Variants in DOCK11 observed in about 807,000 individuals in gnomAD.
DOCK11 encodes dedicator of cytokinesis protein 11.
DOCK11 carries 70 observed loss-of-function variants against 169.1 expected under a neutral mutation model. That is an observed-to-expected ratio of 0.41 (90% confidence interval 0.34 to 0.51). DOCK11 has a LOEUF of 0.51. DOCK11 is among the 20% of genes least tolerant of loss of function. The pLI is 0.10. For missense variants in DOCK11, 1,166 were observed against 1,538.8 expected (o/e 0.76, Z 4.05); for synonymous variants, 529 against 541.3 (o/e 0.98, Z 0.32).
chrX:118,648,518 TAA>T (rs1491128381), intron 40 of DOCK11, among the ~76,000 whole-genome samples: 1 of 89,805 alleles, frequency 1.1e-5, no homozygotes, highest in Non-Finnish European at 2.2e-5. Flanking sequence ...TATTAATATG[TAA>T]TATATATATA....
At position 118,567,956 on chromosome X, in the gene DOCK11, G is replaced by A. The variant is rs139057649; in HGVS notation, c.952-123G>A. ...GCATTCCTGTTTTGTACTGACTACA[G>A]GATGAATGGTATATTTTTGAAGCTG... On this transcript the variant is annotated intron_variant, in intron 9 of 52. Coordinates refer to ENST00000276202, the MANE Select transcript of DOCK11 (RefSeq NM_144658.4). The A allele has an allele frequency of 6.9e-3, 2,305 of 333,680 alleles. 46 individuals are homozygous for A. Among genetic ancestry groups the A allele is most frequent in the South Asian group, 0.055 (592 of 10,778 alleles). The allele number at this position is 333,680 out of a possible 1,213,427, so 27.5% of individuals were successfully genotyped here. A position where few individuals can be genotyped will look rare whatever the true frequency, so the allele number is the denominator to read the frequency against.
chrX:118,672,594 G>A (rs558864504), intron 46 of DOCK11, among the ~76,000 whole-genome samples: 35 of 112,026 alleles, frequency 3.1e-4, no homozygotes, highest in Middle Eastern at 4.7e-3. Context: ...CACCGCGCCC[G>A]ACTAATATTT....
intron 24 of DOCK11, 85 bp from the exon 25 acceptor site, chrX:118,607,986 TG>T: frequency 2.6e-6 from 2 of 772,637 alleles, no homozygotes; most frequent in Non-Finnish European, 3.8e-6. Context: ...TTAGATGTTT[TG>T]GGGGCTAGAC....
At chrX:118,648,556 TTATA>T (rs756985022) in intron 40 of DOCK11, among the ~76,000 whole-genome samples, 1 of 94,786 alleles carries the variant, frequency 1.1e-5, no homozygotes, top group South Asian at 4.2e-4. Flanking sequence ...ATAACATAAA[TTATA>T]TATATTATAT....
chrX:118,643,676 G>A (rs2015586507), intron 40 of DOCK11, 82 bp downstream of exon 40: 4 of 1,043,510 alleles, frequency 3.8e-6, no homozygotes, highest in Non-Finnish European at 5.3e-6. Flanking sequence ...TCATTGTGGT[G>A]ACATATACAA....
intron 28 of DOCK11, among the ~76,000 whole-genome samples, chrX:118,611,014 G>A (rs1161466263): frequency 1.8e-5 from 2 of 111,538 alleles, no homozygotes; most frequent in Non-Finnish European, 3.8e-5. Flanking sequence ...ACTCCAGCCT[G>A]GGCAATAGAG....
chrX:118,672,481 G>A (rs1182127536), intron 46 of DOCK11, among the ~76,000 whole-genome samples: 3 of 112,419 alleles, frequency 2.7e-5, no homozygotes, highest in Admixed American at 9.4e-5. Context: ...GGCCCAGGCC[G>A]GACTGCAGTG....
At position 118,578,663 on chromosome X, in the gene DOCK11, TG is replaced by T. The variant is rs1484291419; in HGVS notation, c.1512+17del. 1 of 1,188,361 alleles carries T rather than the reference TG, an allele frequency of 8.4e-7. No individual in the cohort carries two copies. Among genetic ancestry groups the T allele is most frequent in the Admixed American group, 2.3e-5 (1 of 42,864 alleles). On this transcript the variant is annotated intron_variant, in intron 13 of 52. Coordinates refer to ENST00000276202, the MANE Select transcript of DOCK11 (RefSeq NM_144658.4). ...TCCAGTAAAGGTAATTTATAAAGGTTGTTGATCAACATTTCACCTTAACGTA... is the reference window on the plus strand; with the variant it reads ...TCCAGTAAAGGTAATTTATAAAGGTTTTGATCAACATTTCACCTTAACGTA...
At chrX:118,502,705 T>C (rs144610608) in intron 1 of DOCK11, among the ~76,000 whole-genome samples, 112 of 111,607 alleles carry the variant, frequency 1.0e-3, no homozygotes, top group African/African-American at 3.4e-3. Flanking sequence ...AGGTAACATA[T>C]GGAAAGTTTC....
At chrX:118,674,836 TTC>T (rs748290344) in intron 46 of DOCK11, among the ~76,000 whole-genome samples, 2 of 112,024 alleles carry the variant, frequency 1.8e-5, no homozygotes, top group Non-Finnish European at 3.8e-5. Context: ...ATTTTTTATT[TTC>T]TGTTTGTTTT....
intron 44 of DOCK11, among the ~76,000 whole-genome samples, chrX:118,661,069 C>T (rs762335581): frequency 2.8e-4 from 31 of 109,243 alleles, no homozygotes; most frequent in Middle Eastern, 4.7e-3. Flanking sequence ...ATTTGCCAGC[C>T]GTGGTGGCTT....
chrX:118,638,659 T>G (rs1370765740), intron 37 of DOCK11, among the ~76,000 whole-genome samples: 1 of 112,039 alleles, frequency 8.9e-6, no homozygotes. Context: ...AGTTAGTCAT[T>G]AAAGGAGCTC....
chrX:118,672,147 G>A (rs1293278141), intron 46 of DOCK11, among the ~76,000 whole-genome samples: 1 of 112,362 alleles, frequency 8.9e-6, no homozygotes, highest in Non-Finnish European at 1.9e-5. Context: ...ACCTAAAGGT[G>A]CTGGCAAATG....
chrX:118,631,121 C>G (rs1473982768), intron 35 of DOCK11, among the ~76,000 whole-genome samples: 1 of 110,629 alleles, frequency 9.0e-6, no homozygotes, highest in Non-Finnish European at 1.9e-5. Flanking sequence ...TTTCCAAATA[C>G]CACATTTACT....
intron 20 of DOCK11, among the ~76,000 whole-genome samples, chrX:118,594,131 T>C (rs2014086395): frequency 9.0e-6 from 1 of 111,364 alleles, no homozygotes. Context: ...TTTAACAAAC[T>C]TGAATAAGCT....
At chrX:118,638,558 C>G (rs1175593448) in intron 37 of DOCK11, among the ~76,000 whole-genome samples, 2 of 112,069 alleles carry the variant, frequency 1.8e-5, no homozygotes, top group Non-Finnish European at 3.8e-5. Flanking sequence ...CATGTAAGTC[C>G]TAGTGAAATA....
At chrX:118,655,535 C>G (rs754779635) in intron 44 of DOCK11, among the ~76,000 whole-genome samples, 2 of 111,556 alleles carry the variant, frequency 1.8e-5, no homozygotes, top group African/African-American at 6.5e-5. Context: ...TACCTGGGTA[C>G]TAAAAGGGAG....
rs564461759 is a variant in DOCK11 at position 118,578,869 on chromosome X, G to A, written c.1512+222G>A. ...TTGATTATCAAAATAAGAGCCAAAAGCTTTTAGGCAACATCTGCTAATTGA... is the reference window on the plus strand; with the variant it reads ...TTGATTATCAAAATAAGAGCCAAAAACTTTTAGGCAACATCTGCTAATTGA... On this transcript the variant is annotated intron_variant, in intron 13 of 52. Coordinates refer to ENST00000276202, the MANE Select transcript of DOCK11 (RefSeq NM_144658.4). Among the ~76,000 whole-genome samples the A allele has an allele frequency of 3.6e-5, 4 of 111,998 alleles. No individual in the cohort carries two copies. The Admixed American group carries it at 3.8e-4, about 11-fold the overall frequency.
At chrX:118,531,412 C>CAAAAAAAAAAAAAA (rs60932296) in intron 1 of DOCK11, among the ~76,000 whole-genome samples, 1 of 29,205 alleles carries the variant, frequency 3.4e-5, no homozygotes, top group African/African-American at 1.2e-4. Context: ...GCCATATACT[C>CAAAAAAAAAAAAAA]AAAAAAAAAA....
Sources: allele counts gnomAD v4.1 joint callset (sites outside exome capture counted in the v4.1 genomes callset), GRCh38; gene constraint gnomAD v4.1.1; transcripts MANE v1.5; gene names NCBI Gene and HGNC (gene_info 2026-07-23, HGNC 2026-07-21).